ABCB4: variants seen among roughly 807,000 people sequenced by gnomAD.
The protein encoded by ABCB4 is phosphatidylcholine translocator ABCB4.
Under a neutral mutation model 145.7 loss-of-function variants are expected in ABCB4, and 76 were observed. That is an observed-to-expected ratio of 0.52 (90% confidence interval 0.43 to 0.63). The LOEUF is 0.63. ABCB4 is among the 30% of genes least tolerant of loss of function. The pLI is 0.00. For synonymous variants in ABCB4, 517 were observed against 566.8 expected (o/e 0.91, Z 1.25); for missense variants, 1,234 against 1,553.1 (o/e 0.79, Z 3.45).
intron 24 of ABCB4, 36 bp from the exon 25 acceptor site, chr7:87,408,270 C>A: frequency 6.3e-7 from 1 of 1,584,850 alleles, no homozygotes; most frequent in South Asian, 1.1e-5. Context: ...TTATAATTGG[C>A]CTGATAATTA....
At chr7:87,395,492 GC>G in the ABCB4 span, among the ~76,000 whole-genome samples, 1 of 152,174 alleles carries the variant, frequency 6.6e-6, no homozygotes, top group African/African-American at 2.4e-5. Flanking sequence ...AGGCTTTAAG[GC>G]AGAAAGGGAT....
the ABCB4 span, among the ~76,000 whole-genome samples, chr7:87,383,910 T>C: frequency 1.3e-5 from 2 of 152,190 alleles, no homozygotes; most frequent in Non-Finnish European, 2.9e-5. Context: ...GATATATTGA[T>C]TTCCTTTCTC....
Position 87,439,800 on chromosome 7 carries a change from A to G in ABCB4, c.1598T>C (p.Leu533Pro). 2 of 1,614,178 alleles carry G rather than the reference A, an allele frequency of 1.2e-6. No individual in the cohort carries two copies. The highest frequency in any genetic ancestry group is 2.2e-5 in the East Asian group (1 of 44,880). Residue 533 changes from leucine to proline, a missense_variant, in exon 14 of 28, where the codon CTG becomes CCG. Coordinates refer to ENST00000649586, the MANE Select transcript of ABCB4 (RefSeq NM_000443.4). ...DTLVGERGAQ[L>P]SGGQKQRIAI... ...GATCCTCTGCTTCTGCCCACCACTCAGCTGGGCCCCTCTCTCTCCAACCAG... is the reference window on the plus strand; with the variant it reads ...GATCCTCTGCTTCTGCCCACCACTCGGCTGGGCCCCTCTCTCTCCAACCAG...
intron 4 of ABCB4, among the ~76,000 whole-genome samples, chr7:87,460,113 C>G (rs979237331): frequency 3.3e-5 from 5 of 151,996 alleles, no homozygotes; most frequent in African/African-American, 1.2e-4. Flanking sequence ...GGTGAGAAAC[C>G]CAGCTCCGCA....
rs761366451 is a variant in ABCB4, at chr7:87,443,679, G to C, written c.1214C>G (p.Ser405Cys). The change falls in exon 11 of 28, where the codon TCT becomes TGT. Residue 405 changes from serine (S) to cysteine (C), a missense_variant. By Grantham distance (112) the Ser-to-Cys change is moderately radical. Transcript: ENST00000649586. ...EFNDVHFSYP[S>C]RANVKILKGL... ...TTACAGTACCTTGACGTTAGCTCGA[G>C]AAGGGTAAGAAAAGTGAACATCATT... The C allele has an allele frequency of 5.6e-6, 9 of 1,613,464 alleles. No homozygotes were observed.
chr7:87,436,192 T>A (rs1810596431), intron 14 of ABCB4, among the ~76,000 whole-genome samples: 5 of 152,124 alleles, frequency 3.3e-5, no homozygotes, highest in African/African-American at 9.7e-5. Flanking sequence ...CAGACCCCAG[T>A]ACTCAGTTGG....
At chr7:87,472,774 T>C (rs1275553200) in intron 2 of ABCB4, 99 bp from the exon 3 acceptor site, 1 of 897,976 alleles carries the variant, frequency 1.1e-6, no homozygotes, top group Admixed American at 2.2e-5. Context: ...ACTATTATAT[T>C]TTCAAATATA....
chr7:87,373,130 T>C, the ABCB4 span, among the ~76,000 whole-genome samples: 1 of 152,104 alleles, frequency 6.6e-6, no homozygotes, highest in Non-Finnish European at 1.5e-5. Context: ...TCTGCCTTTT[T>C]TATTGTAGCG....
chr7:87,418,436 G>T (rs1809150663), intron 20 of ABCB4, 101 bp downstream of exon 20: 2 of 1,111,512 alleles, frequency 1.8e-6, no homozygotes, highest in East Asian at 2.4e-5. Context: ...TGAGCTTTCT[G>T]CTATTTCTAG....
the ABCB4 span, among the ~76,000 whole-genome samples, chr7:87,370,593 C>CA: frequency 6.6e-6 from 1 of 152,134 alleles, no homozygotes; most frequent in Admixed American, 6.5e-5. Context: ...TTAAATATTG[C>CA]AAACATGTAC....
rs750386198 is a variant in ABCB4 at position 87,462,813 on chromosome 7, T to C, written c.231A>G (p.Val77=). Residue 77 remains valine (V), a synonymous_variant, in exon 4 of 28, where the codon GTA becomes GTG. Coordinates refer to ENST00000649586, the MANE Select transcript of ABCB4 (RefSeq NM_000443.4). ...HGSGLPLMMI[V]FGEMTDKFVD... ...CAAATTTGTCAGTCATCTCTCCAAA[T>C]ACTATCATCATGAGGGGGAGACCTG... 3.1e-6 allele frequency: 5 copies of C among 1,613,760 alleles called. No individual in the cohort carries two copies. The highest frequency in any genetic ancestry group is 1.7e-5 in the Admixed American group (1 of 59,978).
the ABCB4 span, among the ~76,000 whole-genome samples, chr7:87,394,027 A>C: frequency 6.6e-6 from 1 of 152,210 alleles, no homozygotes; most frequent in African/African-American, 2.4e-5. Flanking sequence ...ACACAAATCT[A>C]CTATACAAAG....
chr7:87,465,242 T>G (rs1043171965), intron 3 of ABCB4, among the ~76,000 whole-genome samples: 11 of 152,188 alleles, frequency 7.2e-5, no homozygotes, highest in African/African-American at 2.7e-4. Context: ...CACGCCTGGC[T>G]CAGAGGGTCC....
intron 26 of ABCB4, 46 bp downstream of exon 26, chr7:87,406,242 G>T (rs1808175362): frequency 6.3e-7 from 1 of 1,575,508 alleles, no homozygotes; most frequent in Non-Finnish European, 8.7e-7. Context: ...AATTGTTTGG[G>T]GGATAAAAAG....
intron 4 of ABCB4, among the ~76,000 whole-genome samples, chr7:87,456,798 G>T (rs45580239): frequency 5.9e-5 from 9 of 151,968 alleles, no homozygotes; most frequent in Admixed American, 1.3e-4. Context: ...CTAGTGCTGG[G>T]TTAGTAACCT....
At position 87,403,219 on chromosome 7, in the gene ABCB4, A is replaced by G; in HGVS notation, c.3549T>C (p.Ile1183=). Residue 1183 remains isoleucine (I), a synonymous_variant, in exon 27 of 28, where the codon ATT becomes ATC. Transcript: ENST00000649586. ...TQLSGGQKQR[I]AIARALIRQP... ...GTCTGATGAGGGCTCGGGCAATAGCAATCCTCTGTTTTTGACCTCCTGAGA... is the reference window on the plus strand; with the variant it reads ...GTCTGATGAGGGCTCGGGCAATAGCGATCCTCTGTTTTTGACCTCCTGAGA... The G allele has an allele frequency of 1.2e-6, 2 of 1,614,066 alleles. No individual in the cohort carries two copies. The highest frequency in any genetic ancestry group is 4.5e-5 in the East Asian group (2 of 44,872).
intron 4 of ABCB4, among the ~76,000 whole-genome samples, chr7:87,460,558 G>A (rs1405187221): frequency 6.6e-6 from 1 of 152,018 alleles, no homozygotes; most frequent in Non-Finnish European, 1.5e-5. Context: ...TTCTATTCTT[G>A]TGTTAATTTG....
chr7:87,423,873 A>C, intron 17 of ABCB4, 33 bp downstream of exon 17: 1 of 1,613,782 alleles, frequency 6.2e-7, no homozygotes, highest in Non-Finnish European at 8.5e-7. Context: ...AATTGATCTA[A>C]TTCAGGCTGT....
At chr7:87,367,940 C>G in the ABCB4 span, among the ~76,000 whole-genome samples, 1 of 152,180 alleles carries the variant, frequency 6.6e-6, no homozygotes, top group Non-Finnish European at 1.5e-5. Flanking sequence ...CTCCATGTAA[C>G]AGCTGGAGGG....
Sources: gnomAD v4.1 joint callset for allele counts (sites outside exome capture counted in the v4.1 genomes callset) on GRCh38, gnomAD v4.1.1 for gene constraint, MANE v1.5 for transcripts, NCBI Gene and HGNC (gene_info 2026-07-23, HGNC 2026-07-21) for gene names.